TAFA2: variants seen among roughly 807,000 people sequenced by gnomAD.
The protein encoded by TAFA2 is chemokine-like protein TAFA-2.
Under a neutral mutation model 18.8 loss-of-function variants are expected in TAFA2, and 7 were observed. The observed-to-expected ratio is 0.37, with a 90% CI of 0.21 to 0.70. TAFA2 has a LOEUF of 0.70. Ranked by LOEUF, TAFA2 falls within the 30% of genes least tolerant of loss-of-function variation. The pLI is 0.53. For synonymous variants in TAFA2, 60 were observed against 54.2 expected (o/e 1.11, Z -0.47); for missense variants, 122 against 158.1 (o/e 0.77, Z 1.23).
intron 1 of TAFA2, among the ~76,000 whole-genome samples, chr12:61,997,301 T>C (rs555000405): frequency 5.9e-5 from 9 of 152,080 alleles, no homozygotes; most frequent in Non-Finnish European, 1.2e-4. Flanking sequence ...AGAAAAGCGA[T>C]ATTTGAGCAA....
chr12:61,973,782 C>G (rs988652058), intron 1 of TAFA2, among the ~76,000 whole-genome samples: 1 of 151,746 alleles, frequency 6.6e-6, no homozygotes, highest in Middle Eastern at 3.4e-3. Flanking sequence ...GAAAATCCCC[C>G]GACCCTGGCT....
At chr12:61,828,160 C>T (rs1212511933) in intron 2 of TAFA2, among the ~76,000 whole-genome samples, 3 of 151,934 alleles carry the variant, frequency 2.0e-5, no homozygotes, top group African/African-American at 4.8e-5. Flanking sequence ...CCTTCAGCAG[C>T]ATTTGATCAA....
chr12:61,929,229 C>T (rs951532612), intron 1 of TAFA2, among the ~76,000 whole-genome samples: 36 of 150,850 alleles, frequency 2.4e-4, no homozygotes, highest in African/African-American at 8.5e-4. Context: ...GGAAGGGACA[C>T]ATATTCTACA....
At chr12:62,253,415 T>C (rs2062923994) in intron 1 of TAFA2, 1 of 152,208 alleles carries the variant, frequency 6.6e-6, no homozygotes, top group South Asian at 2.1e-4. Context: ...CTATAACAAA[T>C]TACCATAAAC....
intron 1 of TAFA2, among the ~76,000 whole-genome samples, chr12:62,012,163 G>A (rs1332242890): frequency 1.3e-5 from 2 of 152,088 alleles, no homozygotes; most frequent in East Asian, 3.9e-4. Flanking sequence ...TGATTTAGTG[G>A]TGATAAGAAG....
chr12:61,958,205 A>C (rs1032233951), intron 1 of TAFA2, among the ~76,000 whole-genome samples: 2 of 152,144 alleles, frequency 1.3e-5, no homozygotes, highest in Non-Finnish European at 2.9e-5. Flanking sequence ...ATAATACCTC[A>C]TAACAATCCC....
chr12:62,045,441 C>T (rs1881884252), intron 1 of TAFA2, among the ~76,000 whole-genome samples: 1 of 152,164 alleles, frequency 6.6e-6, no homozygotes, highest in South Asian at 2.1e-4. Context: ...GATTTCATCA[C>T]ACGATGCACG....
chr12:61,853,963 C>T (rs1055637633), intron 2 of TAFA2, among the ~76,000 whole-genome samples: 1 of 152,158 alleles, frequency 6.6e-6, no homozygotes, highest in Non-Finnish European at 1.5e-5. Context: ...TGTAAAGAAC[C>T]TGAACAGTCC....
intron 1 of TAFA2, among the ~76,000 whole-genome samples, chr12:62,075,000 A>G (rs937682618): frequency 2.0e-5 from 3 of 152,008 alleles, no homozygotes; most frequent in Non-Finnish European, 4.4e-5. Flanking sequence ...CCACACTTGA[A>G]GATCTTGAAT....
At chr12:62,099,182 C>T (rs1472667376) in intron 1 of TAFA2, among the ~76,000 whole-genome samples, 4 of 151,894 alleles carry the variant, frequency 2.6e-5, no homozygotes, top group South Asian at 4.1e-4. Flanking sequence ...TAGAAACACT[C>T]TGCCTAATCA....
chr12:61,713,003 T>C (rs1261309277), intron 4 of TAFA2, among the ~76,000 whole-genome samples: 2 of 152,142 alleles, frequency 1.3e-5, no homozygotes, highest in Non-Finnish European at 2.9e-5. Flanking sequence ...TTTTTTTGCT[T>C]TTGAATGTAT....
At chr12:61,849,218 G>T (rs992641592) in intron 2 of TAFA2, among the ~76,000 whole-genome samples, 2 of 152,116 alleles carry the variant, frequency 1.3e-5, no homozygotes, top group South Asian at 2.1e-4. Flanking sequence ...GCAGAAAAAA[G>T]AGCATCTATT....
chr12:61,829,937 C>T (rs1317623899), intron 2 of TAFA2, among the ~76,000 whole-genome samples: 1 of 151,652 alleles, frequency 6.6e-6, no homozygotes, highest in Non-Finnish European at 1.5e-5. Context: ...TATTTTATAT[C>T]ACAAACAATG....
Position 61,905,725 on chromosome 12 carries a change from T to A in TAFA2, c.-1-38299A>T, listed in dbSNP as rs903125826. ...CAAGGAAAAGCTCTTGTCCTCCTCA[T>A]GTATGAAAGCAAAGGATAATGCAGA... On this transcript the variant is annotated intron_variant, in intron 1 of 4. Coordinates refer to ENST00000416284, the MANE Select transcript of TAFA2 (RefSeq NM_178539.5). Among the ~76,000 whole-genome samples the A allele has an allele frequency of 2.0e-5, 3 of 152,338 alleles. No individual in the cohort carries two copies. The East Asian group carries it at 5.8e-4, about 29-fold the overall frequency.
chr12:61,835,287 A>T (rs191770615), intron 2 of TAFA2, among the ~76,000 whole-genome samples: 2 of 152,202 alleles, frequency 1.3e-5, no homozygotes, highest in Non-Finnish European at 2.9e-5. Context: ...ATAATGCTAT[A>T]GATAATTTTT....
intron 2 of TAFA2, among the ~76,000 whole-genome samples, chr12:61,851,724 G>A (rs1410641996): frequency 1.7e-5 from 2 of 118,632 alleles, no homozygotes; most frequent in Non-Finnish European, 3.3e-5. Context: ...GCAGTGAACC[G>A]AGATTGTGCC....
chr12:61,898,482 G>A (rs1420068029), intron 1 of TAFA2, among the ~76,000 whole-genome samples: 2 of 152,168 alleles, frequency 1.3e-5, no homozygotes, highest in Non-Finnish European at 2.9e-5. Context: ...TCTATGCGGA[G>A]GTTCCCAAAA....
chr12:62,109,429 G>A (rs1394199954), intron 1 of TAFA2, among the ~76,000 whole-genome samples: 1 of 152,128 alleles, frequency 6.6e-6, no homozygotes, highest in Admixed American at 6.5e-5. Flanking sequence ...CTCCACCTTT[G>A]TTATTTTTGC....
At chr12:62,043,826 C>G (rs1881834768) in intron 1 of TAFA2, among the ~76,000 whole-genome samples, 1 of 152,086 alleles carries the variant, frequency 6.6e-6, no homozygotes, top group Non-Finnish European at 1.5e-5. Flanking sequence ...AAACCACATG[C>G]TGGGGCATTT....
Sources: allele counts gnomAD v4.1 joint callset (sites outside exome capture counted in the v4.1 genomes callset), GRCh38; gene constraint gnomAD v4.1.1; transcripts MANE v1.5; gene names NCBI Gene and HGNC (gene_info 2026-07-23, HGNC 2026-07-21).